Variants in EPM2A observed in about 807,000 individuals in gnomAD.
EPM2A encodes the protein EPM2A glucan phosphatase, laforin.
EPM2A carries 21 observed loss-of-function variants against 26.5 expected under a neutral mutation model. The observed-to-expected ratio is 0.79, with a 90% CI of 0.56 to 1.14. The LOEUF is 1.14. Among genes scored for constraint, EPM2A ranks in the 50% most tolerant of loss-of-function variants. The pLI, the probability that EPM2A is intolerant of heterozygous loss-of-function variation, is 0.00. For synonymous variants in EPM2A, 217 were observed against 177.6 expected (o/e 1.22, Z -1.76); for missense variants, 458 against 440.8 (o/e 1.04, Z -0.35).
At chr6:145,490,948 T>C (rs1779747042) in intron 4 of EPM2A, 1 of 820,260 alleles carries the variant, frequency 1.2e-6, no homozygotes, top group Non-Finnish European at 2.0e-6. Flanking sequence ...ACTTTATGGA[T>C]GCTTGGCAGA....
chr6:145,533,967 G>A (rs374560911), intron 2 of EPM2A, among the ~76,000 whole-genome samples: 1 of 152,080 alleles, frequency 6.6e-6, no homozygotes, highest in South Asian at 2.1e-4. Flanking sequence ...AACACATAAT[G>A]GTTGCTGAAT....
chr6:145,604,771 G>GTCT (rs1250848019), intron 2 of EPM2A, among the ~76,000 whole-genome samples: 1 of 152,122 alleles, frequency 6.6e-6, no homozygotes, highest in Admixed American at 6.6e-5. Flanking sequence ...CAATCTGAGG[G>GTCT]GAGAATGGGT....
chr6:145,718,320 C>G (rs1227701907), intron 1 of EPM2A, among the ~76,000 whole-genome samples: 2 of 146,058 alleles, frequency 1.4e-5, no homozygotes, highest in Non-Finnish European at 3.0e-5. Context: ...CGCCACATAT[C>G]TACAACTATC....
intron 2 of EPM2A, among the ~76,000 whole-genome samples, chr6:145,557,905 C>A (rs776279234): frequency 6.6e-6 from 1 of 152,080 alleles, no homozygotes; most frequent in African/African-American, 2.4e-5. Flanking sequence ...CTCTCCAGCC[C>A]CCGGTAACCA....
intron 4 of EPM2A, chr6:145,490,096 A>T (rs1779735673): frequency 8.0e-7 from 1 of 1,255,658 alleles, no homozygotes; most frequent in Non-Finnish European, 1.1e-6. Flanking sequence ...GCACCTTCCC[A>T]ATTTGTTATA....
intron 4 of EPM2A, among the ~76,000 whole-genome samples, chr6:145,387,562 C>T (rs1465029214): frequency 6.6e-6 from 1 of 152,052 alleles, no homozygotes; most frequent in Admixed American, 6.6e-5. Context: ...TGTCTTGGTT[C>T]TTTGTCCTTG....
chr6:145,471,878 T>C (rs1779478348), intron 4 of EPM2A, among the ~76,000 whole-genome samples: 1 of 151,798 alleles, frequency 6.6e-6, no homozygotes, highest in Non-Finnish European at 1.5e-5. Context: ...CCAAAGACAG[T>C]AGACTAGGGA....
intron 2 of EPM2A, chr6:145,680,147 T>C (rs1290518080): frequency 1.3e-5 from 2 of 151,770 alleles, no homozygotes; most frequent in East Asian, 3.9e-4. Context: ...AAAGACAAAA[T>C]TGGGGGAGGT....
chr6:145,431,010 A>T (rs1778914758), intron 4 of EPM2A, among the ~76,000 whole-genome samples: 1 of 152,206 alleles, frequency 6.6e-6, no homozygotes, highest in Non-Finnish European at 1.5e-5. Context: ...AGCTTAAAAA[A>T]ATAGAGCTTC....
chr6:145,481,567 A>T (rs1013449408), intron 4 of EPM2A, among the ~76,000 whole-genome samples: 2 of 152,046 alleles, frequency 1.3e-5, no homozygotes, highest in Non-Finnish European at 2.9e-5. Flanking sequence ...TTGATAATGG[A>T]TCATCTGGCC....
intron 1 of EPM2A, among the ~76,000 whole-genome samples, chr6:145,718,659 A>C (rs898789186): frequency 8.5e-5 from 13 of 152,232 alleles, no homozygotes; most frequent in Admixed American, 2.6e-4. Flanking sequence ...CAGCAAAAGA[A>C]ACTACCATCA....
intron 1 of EPM2A, among the ~76,000 whole-genome samples, chr6:145,730,494 T>C (rs924957505): frequency 6.6e-6 from 1 of 152,200 alleles, no homozygotes; most frequent in African/African-American, 2.4e-5. Flanking sequence ...AATTTAGGCA[T>C]ATAGTCCTGA....
chr6:145,635,950 T>C lies in EPM2A; in HGVS notation c.477-464A>G, dbSNP rs942408037. 1.6e-5 allele frequency: 3 copies of C among 189,004 alleles called. No homozygotes were observed. The Admixed American group carries it at 1.6e-4, about 10-fold the overall frequency. 11.7% of individuals were successfully genotyped at this position (189,004 alleles called of 1,614,324 possible). A position where few individuals can be genotyped will look rare whatever the true frequency, so the allele number is the denominator to read the frequency against. On this transcript the variant is annotated intron_variant, in intron 2 of 3. Coordinates refer to ENST00000367519, the MANE Select transcript of EPM2A (RefSeq NM_005670.4). ...CAAATAGTATGAGACTTTTAACATA[T>C]GCTAAAGAACAGAAGCTAAAAAACA...
chr6:145,438,727 C>T (rs1779021558), intron 4 of EPM2A, among the ~76,000 whole-genome samples: 2 of 152,154 alleles, frequency 1.3e-5, no homozygotes, highest in African/African-American at 4.8e-5. Flanking sequence ...CCGCCTCAGC[C>T]TCCCAAAGTG....
chr6:145,682,044 C>T (rs1780576720), intron 2 of EPM2A, among the ~76,000 whole-genome samples: 2 of 152,132 alleles, frequency 1.3e-5, no homozygotes, highest in South Asian at 4.1e-4. Flanking sequence ...AGTCCGTTTT[C>T]ACTCTGCTAA....
chr6:145,518,743 T>C (rs943129951), intron 2 of EPM2A, among the ~76,000 whole-genome samples: 5 of 151,864 alleles, frequency 3.3e-5, no homozygotes, highest in Non-Finnish European at 7.4e-5. Flanking sequence ...AAAGAGAAAT[T>C]AATAATCCCG....
chr6:145,632,010 C>T (rs1241052730), intron 3 of EPM2A: 1 of 152,088 alleles, frequency 6.6e-6, no homozygotes, highest in Non-Finnish European at 1.5e-5. Flanking sequence ...TTATCTATAA[C>T]ATCCTTTGGT....
chr6:145,708,112 G>C (rs1583095958), intron 1 of EPM2A, among the ~76,000 whole-genome samples: 1 of 152,202 alleles, frequency 6.6e-6, no homozygotes, highest in African/African-American at 2.4e-5. Context: ...GTGGAACTTT[G>C]AACTTGAGAG....
At chr6:145,507,829 AT>A (rs1339807865) in intron 2 of EPM2A, among the ~76,000 whole-genome samples, 1 of 152,090 alleles carries the variant, frequency 6.6e-6, no homozygotes, top group Non-Finnish European at 1.5e-5. Flanking sequence ...GAAGCTGAGG[AT>A]TCTCCTGGAG....
Sources: gnomAD v4.1 joint callset for allele counts (sites outside exome capture counted in the v4.1 genomes callset) on GRCh38, gnomAD v4.1.1 for gene constraint, MANE v1.5 for transcripts, NCBI Gene and HGNC (gene_info 2026-07-23, HGNC 2026-07-21) for gene names.